The following UGT3A1 variants were observed in gnomAD, a reference collection of about 807,000 sequenced individuals.
The protein encoded by UGT3A1 is UDP glycosyltransferase family 3 member A1, also known as UDP-glycosyltransferase 3A1.
UGT3A1 carries 40 observed loss-of-function variants against 37.6 expected under a neutral mutation model. That is an observed-to-expected ratio of 1.06 (90% confidence interval 0.83 to 1.38). UGT3A1 has a LOEUF of 1.38. Ranked by LOEUF, UGT3A1 falls within the 40% of genes most tolerant of loss-of-function variation. The pLI is 0.00. For missense variants in UGT3A1, 642 were observed against 634.2 expected (o/e 1.01, Z -0.13); for synonymous variants, 256 against 232.3 (o/e 1.10, Z -0.93).
intron 4 of UGT3A1, among the ~76,000 whole-genome samples, chr5:35,958,919 G>A (rs1407009589): frequency 6.6e-6 from 1 of 152,182 alleles, no homozygotes; most frequent in Non-Finnish European, 1.5e-5. Context: ...CAGATTTCAA[G>A]CTGACAGAAG....
At chr5:35,955,504 A>T (rs1359035040) in intron 6 of UGT3A1, 141 bp downstream of exon 6, 17 of 936,946 alleles carry the variant, frequency 1.8e-5, no homozygotes, top group Non-Finnish European at 1.6e-6. Flanking sequence ...CAGAGAAAAC[A>T]GGTGGGCTGT....
At chr5:35,972,140 C>T (rs917392842) in intron 2 of UGT3A1, among the ~76,000 whole-genome samples, 1 of 152,070 alleles carries the variant, frequency 6.6e-6, no homozygotes, top group Non-Finnish European at 1.5e-5. Context: ...AAATTTGCTT[C>T]TAGGATAGTT....
At chr5:35,959,110 G>A (rs919156946) in intron 4 of UGT3A1, among the ~76,000 whole-genome samples, 1 of 152,154 alleles carries the variant, frequency 6.6e-6, no homozygotes, top group Non-Finnish European at 1.5e-5. Context: ...AGCATACAGA[G>A]GGAATTGGAG....
At chr5:35,984,103 A>G (rs893551472) in intron 2 of UGT3A1, among the ~76,000 whole-genome samples, 12 of 152,228 alleles carry the variant, frequency 7.9e-5, no homozygotes, top group Non-Finnish European at 1.6e-4. Context: ...GAAAGGAGGT[A>G]GTCAAATTAG....
intron 1 of UGT3A1, among the ~76,000 whole-genome samples, chr5:35,990,720 G>A (rs1172374665): frequency 2.6e-5 from 4 of 152,094 alleles, no homozygotes; most frequent in Non-Finnish European, 5.9e-5. Context: ...GCCTTTCCCT[G>A]GTCTCCAAGA....
At chr5:35,970,113 G>A (rs12659258) in intron 2 of UGT3A1, among the ~76,000 whole-genome samples, 19,743 of 152,050 alleles carry the variant, frequency 0.13, 1,860 homozygotes, top group East Asian at 0.38. Context: ...TTTCTTGGCC[G>A]GGCACTGTGG....
chr5:35,979,918 A>G (rs10072204), intron 2 of UGT3A1, among the ~76,000 whole-genome samples: 34,846 of 152,158 alleles, frequency 0.23, 4,383 homozygotes, highest in Non-Finnish European at 0.28. Context: ...TTGTGCAGGG[A>G]GACTCCCCTT....
At chr5:35,973,450 T>C (rs186681341) in intron 2 of UGT3A1, among the ~76,000 whole-genome samples, 3 of 152,310 alleles carry the variant, frequency 2.0e-5, no homozygotes, top group Admixed American at 2.0e-4. Context: ...GATTCATCGT[T>C]GTAGCCCAAT....
intron 4 of UGT3A1, chr5:35,961,176 C>T: frequency 6.6e-6 from 1 of 152,182 alleles, no homozygotes; most frequent in East Asian, 1.9e-4. Flanking sequence ...CTAGCCGTAT[C>T]ATCTCCCCTC....
intron 2 of UGT3A1, among the ~76,000 whole-genome samples, chr5:35,976,797 G>A (rs1250490170): frequency 6.8e-6 from 1 of 147,046 alleles, no homozygotes. Flanking sequence ...TTGTGCCAGT[G>A]CACTCTAGCC....
intron 5 of UGT3A1, among the ~76,000 whole-genome samples, chr5:35,956,162 C>G (rs1340098684): frequency 6.6e-6 from 1 of 152,236 alleles, no homozygotes; most frequent in African/African-American, 2.4e-5. Flanking sequence ...ATCCTTCTCT[C>G]TTCACCTCAT....
chr5:35,958,162 T>G (rs943873695), intron 4 of UGT3A1, among the ~76,000 whole-genome samples: 6 of 152,200 alleles, frequency 3.9e-5, no homozygotes, highest in African/African-American at 1.4e-4. Flanking sequence ...ACATAAAATT[T>G]TATATTGTGT....
At chr5:35,994,331 G>GC (rs1561476288), upstream of UGT3A1, among the ~76,000 whole-genome samples, 1 of 130,342 alleles carries the variant, frequency 7.7e-6, no homozygotes, top group Non-Finnish European at 1.6e-5. Context: ...GTTTTGTTTT[G>GC]TTTGTGTGTG....
chr5:35,966,618 T>C (rs541788503), intron 3 of UGT3A1, among the ~76,000 whole-genome samples: 1 of 152,244 alleles, frequency 6.6e-6, no homozygotes, highest in African/African-American at 2.4e-5. Flanking sequence ...CAGAAGCTAC[T>C]GCCCTTCAAT....
rs764027392 is a variant in UGT3A1, at chr5:35,954,195, C to T, written c.*7G>A. ...TGCCCTCCCCTCACCCAAGGCTACA[C>T]CTAGCCTCATGTCTTCTTCACCTTC... On this transcript the variant is annotated 3_prime_UTR_variant, in exon 7 of 7. Transcript: ENST00000274278. 1 of 1,613,308 alleles carries T rather than the reference C, an allele frequency of 6.2e-7. No individual in the cohort carries two copies. The highest frequency in any genetic ancestry group is 1.1e-5 in the South Asian group (1 of 90,902).
At chr5:35,965,322 G>T in intron 4 of UGT3A1, 64 bp downstream of exon 4, 1 of 1,550,550 alleles carries the variant, frequency 6.4e-7, no homozygotes, top group Non-Finnish European at 8.7e-7. Context: ...GCAGGTGGCA[G>T]CCACCAACTA....
At chr5:35,977,090 GAGAA>G (rs1365469827) in intron 2 of UGT3A1, among the ~76,000 whole-genome samples, 5 of 68,326 alleles carry the variant, frequency 7.3e-5, no homozygotes, top group African/African-American at 2.2e-4. Flanking sequence ...AAGAAAGAAA[GAGAA>G]AGAAAGAAAG....
chr5:35,971,725 G>A (rs1740046557), intron 2 of UGT3A1, among the ~76,000 whole-genome samples: 1 of 152,030 alleles, frequency 6.6e-6, no homozygotes, highest in Non-Finnish European at 1.5e-5. Flanking sequence ...TCCAACCCCA[G>A]CTCTCAGCCA....
chr5:35,983,048 C>T (rs1309598019), intron 2 of UGT3A1, among the ~76,000 whole-genome samples: 1 of 152,156 alleles, frequency 6.6e-6, no homozygotes, highest in African/African-American at 2.4e-5. Context: ...CCCAGCCATG[C>T]TTCCTATACA....
Sources: allele counts gnomAD v4.1 joint callset (sites outside exome capture counted in the v4.1 genomes callset), GRCh38; gene constraint gnomAD v4.1.1; transcripts MANE v1.5; gene names NCBI Gene and HGNC (gene_info 2026-07-23, HGNC 2026-07-21).